The following NCOA3 variants were observed in gnomAD, a reference collection of about 807,000 sequenced individuals.
NCOA3 encodes the protein CBP-interacting protein.
A neutral mutation model predicts 158.8 loss-of-function variants in NCOA3; 51 were observed. The observed-to-expected ratio is 0.32, with a 90% CI of 0.26 to 0.41. NCOA3 has a LOEUF of 0.41. Among genes scored for constraint, NCOA3 ranks in the 10% least tolerant of loss-of-function variants. NCOA3 has a pLI of 1.00. For synonymous variants in NCOA3, 537 were observed against 592.4 expected (o/e 0.91, Z 1.36); for missense variants, 1,510 against 1,746.6 (o/e 0.86, Z 2.41).
intron 1 of NCOA3, among the ~76,000 whole-genome samples, chr20:47,530,127 G>A (rs1474340641): frequency 6.6e-6 from 1 of 152,208 alleles, no homozygotes; most frequent in African/African-American, 2.4e-5. Flanking sequence ...CTAAGGTATT[G>A]TATGTTTGTT....
chr20:47,602,041 A>G (rs1453321646), intron 2 of NCOA3, among the ~76,000 whole-genome samples: 1 of 152,224 alleles, frequency 6.6e-6, no homozygotes, highest in East Asian at 1.9e-4. Context: ...ACTAAGTGTA[A>G]ATCTTTAATG....
At chr20:47,509,202 A>G (rs1003749761) in intron 1 of NCOA3, among the ~76,000 whole-genome samples, 1 of 152,082 alleles carries the variant, frequency 6.6e-6, no homozygotes, top group African/African-American at 2.4e-5. Flanking sequence ...CAGCCTGGGC[A>G]ACAAAGTAAG....
intron 17 of NCOA3, among the ~76,000 whole-genome samples, chr20:47,643,947 C>T (rs2086649215): frequency 6.6e-6 from 1 of 151,496 alleles, no homozygotes; most frequent in South Asian, 2.1e-4. Flanking sequence ...CTTTTTCTCT[C>T]CGAAATTTTA....
chr20:47,502,377 C>G (rs1537305), intron 1 of NCOA3, among the ~76,000 whole-genome samples: 41 of 152,084 alleles, frequency 2.7e-4, no homozygotes, highest in Admixed American at 2.5e-3. Context: ...CTTGCCTCCC[C>G]CAGCCCTTTT....
intron 8 of NCOA3, among the ~76,000 whole-genome samples, chr20:47,632,202 T>C (rs1448872147): frequency 6.6e-6 from 1 of 152,146 alleles, no homozygotes. Context: ...TTACTCAGGT[T>C]TACTGGTTTC....
chr20:47,616,350 C>T (rs1400796506), intron 2 of NCOA3, among the ~76,000 whole-genome samples: 2 of 151,560 alleles, frequency 1.3e-5, no homozygotes, highest in African/African-American at 2.4e-5. Context: ...TGTGTCACCA[C>T]GCCCGGCTAA....
chr20:47,560,021 A>G (rs1212339591), intron 1 of NCOA3, among the ~76,000 whole-genome samples: 1 of 152,090 alleles, frequency 6.6e-6, no homozygotes, highest in Non-Finnish European at 1.5e-5. Flanking sequence ...GCTGGCCTCA[A>G]TCAGTCCACC....
At chr20:47,514,461 C>CA (rs1280666919) in intron 1 of NCOA3, among the ~76,000 whole-genome samples, 1 of 152,092 alleles carries the variant, frequency 6.6e-6, no homozygotes, top group Non-Finnish European at 1.5e-5. Context: ...AATCTTGACT[C>CA]ACTGAAATCT....
intron 8 of NCOA3, among the ~76,000 whole-genome samples, chr20:47,632,445 T>C (rs2086435438): frequency 6.6e-6 from 1 of 150,900 alleles, no homozygotes; most frequent in Non-Finnish European, 1.5e-5. Flanking sequence ...TGGAGTGCAG[T>C]GGCACGATCT....
intron 1 of NCOA3, among the ~76,000 whole-genome samples, chr20:47,535,603 G>T (rs1350843558): frequency 6.6e-6 from 1 of 151,854 alleles, no homozygotes; most frequent in Non-Finnish European, 1.5e-5. Flanking sequence ...CTCCTCCCAG[G>T]TTCAAGTGAC....
intron 2 of NCOA3, among the ~76,000 whole-genome samples, chr20:47,584,790 C>T (rs376559602): frequency 2.4e-4 from 37 of 151,910 alleles, no homozygotes; most frequent in African/African-American, 8.7e-4. Context: ...GAAAAATCTG[C>T]GTATAACAGA....
intron 1 of NCOA3, among the ~76,000 whole-genome samples, chr20:47,534,121 G>T (rs1301711981): frequency 6.7e-6 from 1 of 150,202 alleles, no homozygotes. Flanking sequence ...GGGGGCGGGG[G>T]GTGAAGAGGG....
In NCOA3 at chr20:47,583,244, CTTTGACTGG is replaced by C; in HGVS notation, c.-34_-26del. On this transcript the variant is annotated 5_prime_UTR_variant, in exon 2 of 23. The change creates a premature stop within an existing upstream ORF in the 5' untranslated region. Transcript: ENST00000371998. The stretch of plus-strand genomic sequence containing the variant: ...AATAAAAATAAACTGCTTGAACATC[CTTTGACTGG>C]TTAGCCAGGTAATTCAGCTTTAGTT... The C allele has an allele frequency of 2.5e-6, 1 of 398,592 alleles. No individual in the cohort carries two copies. 24.7% of individuals were successfully genotyped at this position (398,592 alleles called of 1,614,324 possible). A position where few individuals can be genotyped will look rare whatever the true frequency, so the allele number is the denominator to read the frequency against.
intron 1 of NCOA3, among the ~76,000 whole-genome samples, chr20:47,532,411 TAACAGTG>T (rs1470938195): frequency 2.1e-5 from 3 of 146,058 alleles, no homozygotes; most frequent in Non-Finnish European, 4.5e-5. Context: ...ATCTGAGAGG[TAACAGTG>T]AGGCCTTGCA....
At chr20:47,585,931 T>G (rs1193015978) in intron 2 of NCOA3, among the ~76,000 whole-genome samples, 1 of 151,730 alleles carries the variant, frequency 6.6e-6, no homozygotes, top group South Asian at 2.1e-4. Context: ...CACAGGTTTT[T>G]TTTTTTTTTT....
At chr20:47,542,015 T>TTGTTTTTTTTTTTTG in intron 1 of NCOA3, among the ~76,000 whole-genome samples, 2 of 111,594 alleles carry the variant, frequency 1.8e-5, no homozygotes, top group Non-Finnish European at 3.9e-5. Flanking sequence ...TAGAGTTTTT[T>TTGTTTTTTTTTTTTG]TTTTTTTTTT....
At chr20:47,605,463 A>G (rs1353014290) in intron 2 of NCOA3, among the ~76,000 whole-genome samples, 2 of 152,040 alleles carry the variant, frequency 1.3e-5, no homozygotes, top group African/African-American at 4.8e-5. Flanking sequence ...TTATTTATTT[A>G]GAGTACCTTT....
Position 47,656,521 on chromosome 20 carries a change from T to G in NCOA3, c.*3104T>G, listed in dbSNP as rs1361579153. ...TTTTTATTTGCAGAAGCTGTGAGTT[T>G]TGTTCACAATTAGGTTCCTAGGAGC... is the stretch of plus-strand genomic sequence containing the variant. On this transcript the variant is annotated 3_prime_UTR_variant, in exon 23 of 23. Transcript: ENST00000371998. The G allele has an allele frequency of 6.6e-6, 1 of 151,912 alleles. No homozygotes were observed. The highest frequency in any genetic ancestry group is 1.5e-5 in the Non-Finnish European group (1 of 67,990). 9.4% of individuals were successfully genotyped at this position (151,912 alleles called of 1,614,324 possible).
intron 1 of NCOA3, among the ~76,000 whole-genome samples, chr20:47,570,381 C>T (rs989786436): frequency 1.3e-5 from 2 of 152,216 alleles, no homozygotes; most frequent in African/African-American, 4.8e-5. Flanking sequence ...GTTGAGGCCT[C>T]AGTGAGCTGT....
Sources: gnomAD v4.1 joint callset for allele counts (sites outside exome capture counted in the v4.1 genomes callset) on GRCh38, gnomAD v4.1.1 for gene constraint, MANE v1.5 for transcripts, NCBI Gene and HGNC (gene_info 2026-07-23, HGNC 2026-07-21) for gene names.